Variants in STXBP5 observed in about 807,000 individuals in gnomAD.
STXBP5 encodes the protein syntaxin-binding protein 5.
Under a neutral mutation model 152.4 loss-of-function variants are expected in STXBP5, and 50 were observed. The observed-to-expected ratio is 0.33, with a 90% CI of 0.26 to 0.42. The LOEUF (loss-of-function observed/expected upper bound fraction) is 0.42, where lower values mean the gene tolerates loss of function less well. Among genes scored for constraint, STXBP5 ranks in the 10% least tolerant of loss-of-function variants. STXBP5 has a pLI of 1.00. For missense variants in STXBP5, 1,167 were observed against 1,388.6 expected, an observed-to-expected ratio of 0.84 and a Z score of 2.54; for synonymous variants, 492 against 494.7, an observed-to-expected ratio of 0.99 and a Z score of 0.07.
chr6:147,367,423 G>A (rs1785339897), intron 25 of STXBP5, among the ~76,000 whole-genome samples: 1 of 152,156 alleles, frequency 6.6e-6, no homozygotes, highest in Non-Finnish European at 1.5e-5. Flanking sequence ...TGGATCACAA[G>A]GTCAGGAGAT....
At chr6:147,285,755 T>G (rs1236661057) in intron 8 of STXBP5, among the ~76,000 whole-genome samples, 1 of 152,172 alleles carries the variant, frequency 6.6e-6, no homozygotes, top group Non-Finnish European at 1.5e-5. Context: ...ATATAGAAGC[T>G]CAGGCTTGGA....
rs539718552 is a variant in STXBP5, at chr6:147,214,780, A to G, written c.248+8712A>G. On this transcript the variant is annotated intron_variant, in intron 2 of 27. Coordinates refer to ENST00000321680, the MANE Select transcript of STXBP5 (RefSeq NM_001127715.4). ...TAAACTACGAAGAATGTTACAGGGT[A>G]TGAAAAAATACCGTGCAGTCCAAAG... 3.9e-5 allele frequency among the ~76,000 whole-genome samples: 6 copies of G among 152,322 alleles called. No homozygotes were observed. The South Asian group carries it at 1.2e-3, about 32-fold the overall frequency.
chr6:147,254,817 A>G (rs1779275434), intron 4 of STXBP5, among the ~76,000 whole-genome samples: 1 of 152,220 alleles, frequency 6.6e-6, no homozygotes, highest in African/African-American at 2.4e-5. Flanking sequence ...TCAGGAAACA[A>G]CAGATGCTGG....
chr6:147,370,492 T>G (rs1785489839), intron 25 of STXBP5, among the ~76,000 whole-genome samples: 1 of 152,090 alleles, frequency 6.6e-6, no homozygotes, highest in Non-Finnish European at 1.5e-5. Flanking sequence ...TGTTTATAGA[T>G]TGAAATACTT....
At chr6:147,252,880 A>T (rs1299258224) in intron 4 of STXBP5, among the ~76,000 whole-genome samples, 1 of 152,230 alleles carries the variant, frequency 6.6e-6, no homozygotes, top group Non-Finnish European at 1.5e-5. Flanking sequence ...CACCAGAGGT[A>T]CAAAGAGAAG....
rs538222614 is a variant in STXBP5 at position 147,233,884 on chromosome 6, A to G, written c.249-1366A>G. Among the ~76,000 whole-genome samples, 4 of 150,160 alleles carry G rather than the reference A, an allele frequency of 2.7e-5. No homozygotes were observed. The South Asian group carries it at 8.3e-4, about 31-fold the overall frequency. On this transcript the variant is annotated intron_variant, in intron 2 of 27. Coordinates refer to ENST00000321680, the MANE Select transcript of STXBP5 (RefSeq NM_001127715.4). The stretch of plus-strand genomic sequence containing the variant: ...GACTACTACTACTACTACTATTACT[A>G]CTACTACTATTACTACTAACAATAA...
intron 21 of STXBP5, among the ~76,000 whole-genome samples, chr6:147,340,951 T>C (rs1784062707): frequency 6.6e-6 from 1 of 152,138 alleles, no homozygotes; most frequent in Non-Finnish European, 1.5e-5. Flanking sequence ...GTTATATATT[T>C]TGGGGAAAGC....
At chr6:147,213,432 A>ATGTGTG (rs774370865) in intron 2 of STXBP5, among the ~76,000 whole-genome samples, 19 of 121,082 alleles carry the variant, frequency 1.6e-4, no homozygotes, top group East Asian at 8.6e-4. Context: ...ATAATTTTAT[A>ATGTGTG]TATGTGTGTG....
In STXBP5 at chr6:147,384,756, C is replaced by T. The variant is rs1421163520; in HGVS notation, c.*1C>T. ...AGATAAGAAGTGGTACCAGTTCTGA[C>T]AACCAGAATCCAATAAGTCCAACTT... On this transcript the variant is annotated 3_prime_UTR_variant, in exon 28 of 28. Coordinates refer to ENST00000321680, the MANE Select transcript of STXBP5 (RefSeq NM_001127715.4). The T allele has an allele frequency of 3.1e-6, 5 of 1,611,114 alleles. No homozygotes were observed. The highest frequency in any genetic ancestry group is 4.2e-6 in the Non-Finnish European group (5 of 1,178,738).
At chr6:147,333,092 A>G (rs574014285) in intron 18 of STXBP5, among the ~76,000 whole-genome samples, 4 of 152,356 alleles carry the variant, frequency 2.6e-5, no homozygotes, top group South Asian at 4.1e-4. Flanking sequence ...TGTTCTATCA[A>G]TAAAGAGTAC....
intron 4 of STXBP5, among the ~76,000 whole-genome samples, chr6:147,259,228 TCTC>T (rs1245030423): frequency 1.3e-5 from 2 of 152,162 alleles, no homozygotes; most frequent in Admixed American, 1.3e-4. Flanking sequence ...ATTTTGTTCT[TCTC>T]ACTTCTGGAA....
intron 2 of STXBP5, among the ~76,000 whole-genome samples, chr6:147,230,415 G>A (rs897594255): frequency 1.8e-4 from 27 of 151,666 alleles, no homozygotes; most frequent in Admixed American, 1.6e-3. Flanking sequence ...AAGCTAACAT[G>A]AAAAATGACT....
chr6:147,389,375 G>C lies in STXBP5; in HGVS notation c.*4620G>C, dbSNP rs1043971691. 5 of 151,720 alleles carry C rather than the reference G, an allele frequency of 3.3e-5. No individual in the cohort carries two copies. The highest frequency in any genetic ancestry group is 7.4e-5 in the Non-Finnish European group (5 of 67,750). The allele number at this position is 151,720 out of a possible 1,614,324, so 9.4% of individuals were successfully genotyped here. A position where few individuals can be genotyped will look rare whatever the true frequency, so the allele number is the denominator to read the frequency against. On this transcript the variant is annotated 3_prime_UTR_variant, in exon 28 of 28. Coordinates refer to ENST00000321680, the MANE Select transcript of STXBP5 (RefSeq NM_001127715.4). ...GATTTTAATAACTTCCCAATTACCAGGGTTATAACATTGCTTTCTTCAGTT... is the reference window on the plus strand; with the variant it reads ...GATTTTAATAACTTCCCAATTACCACGGTTATAACATTGCTTTCTTCAGTT...
chr6:147,289,024 C>T (rs75742118), intron 8 of STXBP5, among the ~76,000 whole-genome samples: 1,758 of 152,262 alleles, frequency 0.012, 45 homozygotes, highest in African/African-American at 0.04. Flanking sequence ...GAGTGCCCCC[C>T]GAAGGTCATA....
At chr6:147,322,558 C>T (rs1198765165) in intron 16 of STXBP5, among the ~76,000 whole-genome samples, 1 of 152,176 alleles carries the variant, frequency 6.6e-6, no homozygotes, top group East Asian at 1.9e-4. Context: ...GGGTTCTTAC[C>T]TCTGAGTTTG....
At chr6:147,366,629 C>T (rs573297677) in intron 25 of STXBP5, among the ~76,000 whole-genome samples, 1 of 152,280 alleles carries the variant, frequency 6.6e-6, no homozygotes, top group East Asian at 1.9e-4. Context: ...ATCTACCTCT[C>T]TTTCTTAAAA....
At chr6:147,367,748 A>G (rs924752041) in intron 25 of STXBP5, among the ~76,000 whole-genome samples, 2 of 152,148 alleles carry the variant, frequency 1.3e-5, no homozygotes, top group Admixed American at 6.5e-5. Context: ...AAAAACATCA[A>G]TGAAATCAAA....
intron 19 of STXBP5, 65 bp downstream of exon 19, chr6:147,334,287 T>C (rs1028754144): frequency 4.6e-5 from 66 of 1,440,032 alleles, no homozygotes; most frequent in Admixed American, 9.8e-5. Flanking sequence ...AGCATACTAG[T>C]GTACATTTTG....
At chr6:147,315,255 T>C (rs928669546) in intron 14 of STXBP5, among the ~76,000 whole-genome samples, 1 of 152,186 alleles carries the variant, frequency 6.6e-6, no homozygotes, top group Non-Finnish European at 1.5e-5. Context: ...ATGTTTTTAT[T>C]ACTCATTTTT....
Sources: allele counts gnomAD v4.1 joint callset (sites outside exome capture counted in the v4.1 genomes callset), GRCh38; gene constraint gnomAD v4.1.1; transcripts MANE v1.5; gene names NCBI Gene and HGNC (gene_info 2026-07-23, HGNC 2026-07-21).